ACP2: variants seen among roughly 807,000 people sequenced by gnomAD.
ACP2 encodes the protein lysosomal acid phosphatase.
ACP2 carries 35 observed loss-of-function variants against 54.7 expected under a neutral mutation model. That is an observed-to-expected ratio of 0.64 (90% confidence interval 0.49 to 0.85). The LOEUF is 0.85. Among genes scored for constraint, ACP2 ranks in the 40% least tolerant of loss-of-function variants. ACP2 has a pLI of 0.00. For synonymous variants in ACP2, 210 were observed against 224.4 expected (o/e 0.94, Z 0.57); for missense variants, 492 against 565.0 (o/e 0.87, Z 1.31).
intron 6 of ACP2, chr11:47,245,088 G>T: frequency 1.1e-6 from 1 of 934,156 alleles, no homozygotes; most frequent in Non-Finnish European, 1.7e-6. Context: ...AAGGAGCTCT[G>T]GGTGGAGAGC....
At chr11:47,248,002 C>T (rs1954267687) in intron 2 of ACP2, 36 bp downstream of exon 2, 2 of 1,532,002 alleles carry the variant, frequency 1.3e-6, no homozygotes, top group Admixed American at 4.1e-5. Context: ...GCTCATTCTG[C>T]AGCTCATCCT....
chr11:47,241,980 G>A (rs1953893678), intron 10 of ACP2, among the ~76,000 whole-genome samples: 1 of 152,202 alleles, frequency 6.6e-6, no homozygotes, highest in Non-Finnish European at 1.5e-5. Flanking sequence ...AAAGTCATGA[G>A]GCTGCATGAG....
chr11:47,240,287 G>T, intron 10 of ACP2, 38 bp from the exon 11 acceptor site: 1 of 1,028,566 alleles, frequency 9.7e-7, no homozygotes, highest in Non-Finnish European at 1.5e-6. Context: ...TCATGTCAGC[G>T]TTCCATCATA....
intron 10 of ACP2, among the ~76,000 whole-genome samples, chr11:47,241,688 G>A (rs1591010474): frequency 6.6e-6 from 1 of 152,288 alleles, no homozygotes; most frequent in East Asian, 1.9e-4. Context: ...ATCTGGCAGT[G>A]GGCTGGATGA....
intron 10 of ACP2, among the ~76,000 whole-genome samples, chr11:47,242,279 TC>T (rs1252500696): frequency 6.6e-6 from 1 of 152,168 alleles, no homozygotes; most frequent in Non-Finnish European, 1.5e-5. Flanking sequence ...AGAGCCAGAT[TC>T]TAGGCAGCTC....
chr11:47,244,586 G>A, intron 7 of ACP2, 149 bp downstream of exon 7: 1 of 546,206 alleles, frequency 1.8e-6, no homozygotes, highest in Non-Finnish European at 3.1e-6. Context: ...GGGGAAATTT[G>A]GTGACTAGCG....
intron 3 of ACP2, among the ~76,000 whole-genome samples, chr11:47,247,231 T>A (rs1954167138): frequency 6.6e-6 from 1 of 152,196 alleles, no homozygotes; most frequent in South Asian, 2.1e-4. Flanking sequence ...CTTGGCCCTG[T>A]CTGGTTTATC....
At chr11:47,246,886 A>AT (rs1038064174) in intron 3 of ACP2, among the ~76,000 whole-genome samples, 19 of 151,976 alleles carry the variant, frequency 1.3e-4, no homozygotes, top group African/African-American at 2.2e-4. Context: ...AAAAAAAAAA[A>AT]TTTTTTTTGA....
In ACP2 at chr11:47,244,762, G is replaced by A; in HGVS notation, c.745C>T (p.Gln249Ter). ...CCCTGAAGCCGGGCCTTCTCCGCCT[G>A]CTGGTAGATTCCGAAGAGGAAGCGG... ...SFRFLFGIYQ[Q>*]AEKARLQGGV... The change falls in exon 7 of 11, where the codon CAG becomes TAG. Residue 249 changes from glutamine to a stop codon, truncating the protein, a stop_gained. Coordinates refer to ENST00000672073, the MANE Select transcript of ACP2 (RefSeq NM_001610.4). LOFTEE classifies it high-confidence loss of function. 6.2e-7 allele frequency: 1 copy of A among 1,611,390 alleles called. No homozygotes were observed. Among genetic ancestry groups the A allele is most frequent in the Non-Finnish European group, 8.5e-7 (1 of 1,178,078 alleles).
Position 47,245,555 on chromosome 11 carries a change from C to T in ACP2, c.468G>A (p.Leu156=), listed in dbSNP as rs1205591252. The change falls in exon 5 of 11, where the codon TTG becomes TTA. Residue 156 remains leucine, a synonymous_variant. Coordinates refer to ENST00000672073, the MANE Select transcript of ACP2 (RefSeq NM_001610.4). ...GCTGCTCATAACGGGGACATGGGCC[C>T]AACGGGAACTTCAGCAGCTGTAGAG... is the stretch of plus-strand genomic sequence containing the variant. The part of the protein sequence containing the change: ...ITEDRLLKFP[L]GPCPRYEQLQ... 6.2e-7 allele frequency: 1 copy of T among 1,614,216 alleles called. No homozygotes were observed. The highest frequency in any genetic ancestry group is 1.7e-5 in the Admixed American group (1 of 60,020).
At position 47,247,537 on chromosome 11, in the gene ACP2, C is replaced by G. The variant is rs1302215211; in HGVS notation, c.297+104G>C. On this transcript the variant is annotated intron_variant, in intron 3 of 10. Coordinates refer to ENST00000672073, the MANE Select transcript of ACP2 (RefSeq NM_001610.4). ...TTTCCTGTAGTTGTGACCAAAAATACAAGAAGGAGGCCAAAGTGCCCAGCC... is the reference window on the plus strand; with the variant it reads ...TTTCCTGTAGTTGTGACCAAAAATAGAAGAAGGAGGCCAAAGTGCCCAGCC... The G allele has an allele frequency of 7.6e-6, 10 of 1,323,868 alleles. No individual in the cohort carries two copies. The Admixed American group carries it at 1.7e-4, about 23-fold the overall frequency. 82.0% of individuals were successfully genotyped at this position (1,323,868 alleles called of 1,614,324 possible).
chr11:47,243,132 G>T lies in ACP2; in HGVS notation c.856-8C>A, dbSNP rs1953937053. On this transcript the variant is annotated splice_polypyrimidine_tract_variant and splice_region_variant and intron_variant, in intron 8 of 10. Transcript: ENST00000672073. ...AACCAGGGTAGTGTCGTGCTGCGGG[G>T]GAGAGGGGCTGCCCGTCAGCATTGT... 6.2e-7 allele frequency: 1 copy of T among 1,613,908 alleles called. No homozygotes were observed. Among genetic ancestry groups the T allele is most frequent in the Non-Finnish European group, 8.5e-7 (1 of 1,179,872 alleles).
chr11:47,244,737 C>G lies in ACP2; in HGVS notation c.770G>C (p.Gly257Ala). 1 of 1,604,120 alleles carries G rather than the reference C, an allele frequency of 6.2e-7. No individual in the cohort carries two copies. The highest frequency in any genetic ancestry group is 1.1e-5 in the South Asian group (1 of 90,048). ...YQQAEKARLQ[G>A]GVLLAQIRKN... ...GACACGCTGTCCTTGTCACTCACCC[C>G]CCTGAAGCCGGGCCTTCTCCGCCTG... The change falls in exon 7 of 11, where the codon GGG becomes GCG. Residue 257 changes from glycine to alanine, a missense_variant and splice_region_variant. Transcript: ENST00000672073.
At chr11:47,240,361 C>A in intron 10 of ACP2, 112 bp from the exon 11 acceptor site, 1 of 626,774 alleles carries the variant, frequency 1.6e-6, no homozygotes, top group East Asian at 2.8e-5. Flanking sequence ...TCCCTGCTCT[C>A]ATGGAGTTTA....
At chr11:47,248,517 GCCAGGGCT>G in intron 1 of ACP2, 151 bp downstream of exon 1, 1 of 1,551,226 alleles carries the variant, frequency 6.4e-7, no homozygotes, top group Non-Finnish European at 8.7e-7. Flanking sequence ...ACTCCCATAA[GCCAGGGCT>G]CCAGGTCAAT....
chr11:47,248,668 C>T lies in ACP2; in HGVS notation c.114+8G>A. 3 of 1,607,974 alleles carry T rather than the reference C, an allele frequency of 1.9e-6. No homozygotes were observed. Among genetic ancestry groups the T allele is most frequent in the Non-Finnish European group, 2.5e-6 (3 of 1,177,416 alleles). On this transcript the variant is annotated splice_region_variant and intron_variant, in intron 1 of 10. Coordinates refer to ENST00000672073, the MANE Select transcript of ACP2 (RefSeq NM_001610.4). Reference sequence around the variant, plus strand: ...AGGGAAGTCTTTGGTGAGCCCATCTCTCATTACCAAGGTAACGAAGCGCAG... The same window carrying T: ...AGGGAAGTCTTTGGTGAGCCCATCTTTCATTACCAAGGTAACGAAGCGCAG...
rs146706768 is a variant in ACP2, at chr11:47,241,816, A to G, written c.1138+907T>C. 1.4e-3 allele frequency among the ~76,000 whole-genome samples: 219 copies of G among 152,346 alleles called. 1 individual carries two copies. Among genetic ancestry groups the G allele is most frequent in the African/African-American group, 5.2e-3 (215 of 41,574 alleles). On this transcript the variant is annotated intron_variant, in intron 10 of 10. Transcript: ENST00000672073. ...GAAGAGCAGCTGTGGAAGGAAAAGC[A>G]TCTGGTTTTAGACATTGCAACTTTG... is the stretch of plus-strand genomic sequence containing the variant.
At position 47,243,341 on chromosome 11, in the gene ACP2, G is replaced by C; in HGVS notation, c.773-20C>G. On this transcript the variant is annotated intron_variant, in intron 7 of 10. Coordinates refer to ENST00000672073, the MANE Select transcript of ACP2 (RefSeq NM_001610.4). The stretch of plus-strand genomic sequence containing the variant: ...GGACTCCTGAAGGAGAAAAGTCCCC[G>C]GTGTTGCTGGCTACAGCCACCTCTG... 1 of 1,609,814 alleles carries C rather than the reference G, an allele frequency of 6.2e-7. No homozygotes were observed. Among genetic ancestry groups the C allele is most frequent in the Non-Finnish European group, 8.5e-7 (1 of 1,176,388 alleles).
intron 10 of ACP2, among the ~76,000 whole-genome samples, chr11:47,241,410 G>C (rs181428439): frequency 6.6e-6 from 1 of 152,160 alleles, no homozygotes; most frequent in African/African-American, 2.4e-5. Flanking sequence ...CCAGCTACTC[G>C]GGAGGCTGAG....
Sources: gnomAD v4.1 joint callset for allele counts (sites outside exome capture counted in the v4.1 genomes callset) on GRCh38, gnomAD v4.1.1 for gene constraint, MANE v1.5 for transcripts, NCBI Gene and HGNC (gene_info 2026-07-23, HGNC 2026-07-21) for gene names.